Variants in CUX1 observed in about 807,000 individuals in gnomAD.
The protein encoded by CUX1 is protein CASP.
A neutral mutation model predicts 158.8 loss-of-function variants in CUX1; 31 were observed. The ratio of observed to expected loss-of-function variants is 0.20; its 90% confidence interval spans 0.15 to 0.26. CUX1 has a LOEUF of 0.26. Among genes scored for constraint, CUX1 ranks in the 10% least tolerant of loss-of-function variants. The pLI is 1.00. For synonymous variants in CUX1, 879 were observed against 862.1 expected (o/e 1.02, Z -0.34); for missense variants, 1,589 against 2,014.6 (o/e 0.79, Z 4.04).
intron 12 of CUX1, among the ~76,000 whole-genome samples, chr7:102,190,802 C>T (rs1794191792): frequency 6.6e-6 from 1 of 152,144 alleles, no homozygotes; most frequent in Non-Finnish European, 1.5e-5. Context: ...CAGACTCCCG[C>T]CTCTGGTCTT....
At chr7:101,923,684 A>C (rs1274669095) in intron 2 of CUX1, among the ~76,000 whole-genome samples, 2 of 152,164 alleles carry the variant, frequency 1.3e-5, no homozygotes, top group African/African-American at 2.4e-5. Context: ...CGGTGCTCAC[A>C]GTCTGTGTCT....
At chr7:102,126,336 G>T (rs201517) in intron 8 of CUX1, among the ~76,000 whole-genome samples, 80,437 of 151,814 alleles carry the variant, frequency 0.53, 21,974 homozygotes, top group Middle Eastern at 0.65. Context: ...ACCACGCCCG[G>T]CCCGTGACAT....
chr7:101,852,358 C>T (rs977290850), intron 1 of CUX1, among the ~76,000 whole-genome samples: 1 of 151,964 alleles, frequency 6.6e-6, no homozygotes, highest in East Asian at 2.0e-4. Flanking sequence ...TGGCTCATGC[C>T]TGTAATCCCA....
intron 11 of CUX1, among the ~76,000 whole-genome samples, chr7:102,179,039 A>T (rs534266564): frequency 1.3e-5 from 2 of 151,838 alleles, no homozygotes; most frequent in South Asian, 4.2e-4. Context: ...TTATTTGTTT[A>T]TTTATTTATT....
chr7:102,102,827 G>C (rs1253807388), intron 5 of CUX1, among the ~76,000 whole-genome samples: 2 of 152,164 alleles, frequency 1.3e-5, no homozygotes, highest in African/African-American at 4.8e-5. Context: ...AAAGCATCCA[G>C]CATGCGGAGT....
Position 102,248,654 on chromosome 7 carries a change from C to T in CUX1, c.4130C>T (p.Pro1377Leu). 7.4e-7 allele frequency: 1 copy of T among 1,359,974 alleles called. No individual in the cohort carries two copies. Among genetic ancestry groups the T allele is most frequent in the Non-Finnish European group, 9.4e-7 (1 of 1,058,668 alleles). 84.2% of individuals were successfully genotyped at this position (1,359,974 alleles called of 1,614,324 possible). A position where few individuals can be genotyped will look rare whatever the true frequency, so the allele number is the denominator to read the frequency against. The part of the protein sequence containing the change: ...PRPAEQTEPP[P>L]SGTPGPDDAR... ...CCGGCGGAGCAGACGGAGCCGCCGC[C>T]CTCGGGGACCCCGGGCCCGGACGAC... Residue 1377 changes from proline to leucine, a missense_variant, in exon 24 of 24, where the codon CCC (proline) becomes CTC (leucine). This residue lies in a region of CUX1 where 344 missense variants were observed against 323.7 expected (regional missense o/e 1.06). Coordinates refer to ENST00000292535, the MANE Select transcript of CUX1 (RefSeq NM_181552.4). This position sits in a 1 kb window ranked among gnomAD's most constrained non-coding sequence, Gnocchi z 5.8.
downstream of CUX1, among the ~76,000 whole-genome samples, chr7:102,259,558 G>A (rs1431527195): frequency 3.9e-5 from 6 of 152,012 alleles, no homozygotes; most frequent in Admixed American, 1.3e-4. Flanking sequence ...ACTGCACTCC[G>A]GCCTGGGCGA....
chr7:101,839,409 C>T (rs1291283579), intron 1 of CUX1, among the ~76,000 whole-genome samples: 3 of 152,162 alleles, frequency 2.0e-5, no homozygotes, highest in Non-Finnish European at 4.4e-5. Flanking sequence ...CCTTCTTTCA[C>T]GAAGCACCTC....
chr7:102,136,930 TTTG>T (rs2131361018), intron 8 of CUX1, among the ~76,000 whole-genome samples: 1 of 152,094 alleles, frequency 6.6e-6, no homozygotes, highest in South Asian at 2.1e-4. Flanking sequence ...TGTAGGGGAG[TTTG>T]TTATTTTCTT....
At chr7:102,135,414 T>C (rs782407441) in intron 8 of CUX1, among the ~76,000 whole-genome samples, 1 of 151,636 alleles carries the variant, frequency 6.6e-6, no homozygotes, top group Non-Finnish European at 1.5e-5. Context: ...AAGAGGAGGG[T>C]TGGTCTCGCT....
chr7:102,097,135 A>C (rs1279470871), intron 4 of CUX1, among the ~76,000 whole-genome samples: 1 of 152,220 alleles, frequency 6.6e-6, no homozygotes, highest in Non-Finnish European at 1.5e-5. Flanking sequence ...TCTCATGGCT[A>C]TTGCCACCCC....
At chr7:101,923,079 G>C (rs1422523592) in intron 2 of CUX1, among the ~76,000 whole-genome samples, 1 of 152,228 alleles carries the variant, frequency 6.6e-6, no homozygotes, top group Non-Finnish European at 1.5e-5. Flanking sequence ...CGAGGTTACG[G>C]GAGGTCTGCA....
At position 102,248,652 on chromosome 7, in the gene CUX1, G is replaced by T. The variant is rs1486004860; in HGVS notation, c.4128G>T (p.Pro1376=). The part of the protein sequence containing the change: ...VPRPAEQTEP[P]PSGTPGPDDA... ...GGCCGGCGGAGCAGACGGAGCCGCC[G>T]CCCTCGGGGACCCCGGGCCCGGACG... is the stretch of plus-strand genomic sequence containing the variant. The change falls in exon 24 of 24, where the codon CCG becomes CCT. Residue 1376 remains proline (P), a synonymous_variant. Coordinates refer to ENST00000292535, the MANE Select transcript of CUX1 (RefSeq NM_181552.4). The surrounding 1 kb of genome is among the most constrained non-coding windows in gnomAD (Gnocchi z 5.8). 8.8e-6 allele frequency: 12 copies of T among 1,366,516 alleles called. No individual in the cohort carries two copies. Among genetic ancestry groups the T allele is most frequent in the Non-Finnish European group, 1.1e-5 (12 of 1,062,670 alleles). 84.6% of individuals were successfully genotyped at this position (1,366,516 alleles called of 1,614,324 possible). A position where few individuals can be genotyped will look rare whatever the true frequency, so the allele number is the denominator to read the frequency against.
intron 8 of CUX1, among the ~76,000 whole-genome samples, chr7:102,131,907 A>G (rs1381028082): frequency 2.0e-5 from 3 of 151,932 alleles, no homozygotes; most frequent in African/African-American, 7.3e-5. Context: ...CCTGACCTCA[A>G]GTGATCCACC....
intron 2 of CUX1, among the ~76,000 whole-genome samples, chr7:101,990,459 C>T (rs1430906944): frequency 2.6e-5 from 4 of 152,016 alleles, no homozygotes; most frequent in Admixed American, 6.6e-5. Flanking sequence ...TCACTGCAAC[C>T]TCCGCCTCCT....
chr7:102,143,291 CAG>C (rs1429781111), intron 8 of CUX1, among the ~76,000 whole-genome samples: 2 of 152,046 alleles, frequency 1.3e-5, no homozygotes, highest in Non-Finnish European at 2.9e-5. Flanking sequence ...TTTTATGAGA[CAG>C]AGTCTTGCTC....
At chr7:102,042,979 G>A (rs570743952) in intron 3 of CUX1, among the ~76,000 whole-genome samples, 6 of 152,164 alleles carry the variant, frequency 3.9e-5, no homozygotes, top group Admixed American at 6.5e-5. Context: ...TAGTAAAGCC[G>A]AAGTCTGGCT....
intron 11 of CUX1, among the ~76,000 whole-genome samples, chr7:102,179,666 A>G (rs1792807673): frequency 6.6e-6 from 1 of 152,236 alleles, no homozygotes; most frequent in Non-Finnish European, 1.5e-5. Context: ...GGTATTTATG[A>G]TCCGTTGAAG....
In CUX1 at chr7:102,202,225, G is replaced by A. The variant is rs781852973; in HGVS notation, c.2907+21G>A. Reference sequence around the variant, plus strand: ...AGAAGGTAAGGGATCTGCTCTGGGGGCTTTGGTTCTCCCATCTCTTCTCCT... The same window carrying A: ...AGAAGGTAAGGGATCTGCTCTGGGGACTTTGGTTCTCCCATCTCTTCTCCT... On this transcript the variant is annotated intron_variant, in intron 18 of 23. Coordinates refer to ENST00000292535, the MANE Select transcript of CUX1 (RefSeq NM_181552.4). 5.7e-6 allele frequency: 9 copies of A among 1,565,916 alleles called. No individual in the cohort carries two copies. In the South Asian group the frequency reaches 9.6e-5, roughly 17 times the overall value.
Sources: gnomAD v4.1 joint callset for allele counts (sites outside exome capture counted in the v4.1 genomes callset) on GRCh38, gnomAD v4.1.1 for gene constraint, gnomAD v4.1.1 regional missense constraint, Gnocchi (gnomAD v3.1) non-coding constraint, MANE v1.5 for transcripts, NCBI Gene and HGNC (gene_info 2026-07-23, HGNC 2026-07-21) for gene names.